The following SLC44A1 variants were observed in gnomAD, a reference collection of about 807,000 sequenced individuals.
SLC44A1 encodes the protein solute carrier family 44 member 1.
A neutral mutation model predicts 79.3 loss-of-function variants in SLC44A1; 26 were observed. The ratio of observed to expected loss-of-function variants is 0.33; its 90% CI spans 0.24 to 0.46. The LOEUF (loss-of-function observed/expected upper bound fraction) is 0.46, where lower values mean the gene tolerates loss of function less well. Ranked by LOEUF, SLC44A1 falls within the 20% of genes least tolerant of loss-of-function variation. The pLI, the probability that SLC44A1 is intolerant of heterozygous loss-of-function variation, is 1.00. For missense variants in SLC44A1, 688 were observed against 798.1 expected (o/e 0.86, Z 1.66); for synonymous variants, 263 against 286.2 (o/e 0.92, Z 0.82).
At chr9:105,376,314 TACACACACACACACACAC>T (rs33933201) in intron 13 of SLC44A1, among the ~76,000 whole-genome samples, 1 of 139,144 alleles carries the variant, frequency 7.2e-6, no homozygotes, top group South Asian at 2.3e-4. Flanking sequence ...TATATATGTA[TACACACACACACACACAC>T]ACACACACAC....
chr9:105,423,867 A>G (rs1829287142), intron 15 of SLC44A1, among the ~76,000 whole-genome samples: 1 of 152,238 alleles, frequency 6.6e-6, no homozygotes, highest in South Asian at 2.1e-4. Flanking sequence ...ATCTATCAAG[A>G]AAATCTGAAT....
chr9:105,350,831 C>T (rs1827382374), intron 5 of SLC44A1, among the ~76,000 whole-genome samples: 1 of 152,200 alleles, frequency 6.6e-6, no homozygotes, highest in Non-Finnish European at 1.5e-5. Flanking sequence ...GAACCTCTTC[C>T]TTTGGCCCAT....
chr9:105,264,382 G>A (rs894365789), intron 1 of SLC44A1, among the ~76,000 whole-genome samples: 4 of 152,128 alleles, frequency 2.6e-5, no homozygotes, highest in Admixed American at 6.5e-5. Context: ...TCCCAGGAGG[G>A]TCTCAAACTC....
chr9:105,335,774 TA>T, intron 4 of SLC44A1, 75 bp downstream of exon 4: 1 of 1,342,386 alleles, frequency 7.4e-7, no homozygotes, highest in Non-Finnish European at 1.0e-6. Flanking sequence ...GCCCTAGTGT[TA>T]AATAAATTAT....
intron 15 of SLC44A1, among the ~76,000 whole-genome samples, chr9:105,433,139 T>C (rs1412279252): frequency 1.3e-5 from 2 of 151,894 alleles, no homozygotes; most frequent in Non-Finnish European, 2.9e-5. Context: ...CTACTAAAAA[T>C]ACAAAAATTA....
intron 1 of SLC44A1, among the ~76,000 whole-genome samples, chr9:105,246,608 G>C (rs1048096271): frequency 6.6e-6 from 1 of 152,188 alleles, no homozygotes; most frequent in Non-Finnish European, 1.5e-5. Context: ...TGGGGGTCTA[G>C]TTGGGTGCTC....
At chr9:105,320,150 A>G (rs1826340660) in intron 3 of SLC44A1, among the ~76,000 whole-genome samples, 1 of 152,170 alleles carries the variant, frequency 6.6e-6, no homozygotes, top group Non-Finnish European at 1.5e-5. Context: ...ACATATAATA[A>G]TGCTACTGAG....
chr9:105,299,560 A>T (rs1008030538), intron 2 of SLC44A1, among the ~76,000 whole-genome samples: 14 of 152,220 alleles, frequency 9.2e-5, no homozygotes, highest in Admixed American at 9.2e-4. Context: ...GTTGATCTTG[A>T]TAGAGTGGTG....
At chr9:105,286,623 A>G (rs1280426263) in intron 1 of SLC44A1, among the ~76,000 whole-genome samples, 1 of 152,212 alleles carries the variant, frequency 6.6e-6, no homozygotes, top group African/African-American at 2.4e-5. Context: ...AGCTTTTCCT[A>G]TAATTTCGCC....
At chr9:105,255,136 CAT>C (rs1416778055) in intron 1 of SLC44A1, among the ~76,000 whole-genome samples, 4 of 143,888 alleles carry the variant, frequency 2.8e-5, no homozygotes, top group African/African-American at 1.1e-4. Context: ...ACTGAAAAGT[CAT>C]GTCATTATTT....
At position 105,390,430 on chromosome 9, in the gene SLC44A1, C is replaced by CAA. The variant is rs34048538; in HGVS notation, c.*1394_*1395dup. ...TATTGCACTAAATACAGGCTCTGTACAAAAAAAAAAAAAAAAAAAAAGCCT... is the reference window on the plus strand; with the variant it reads ...TATTGCACTAAATACAGGCTCTGTACAAAAAAAAAAAAAAAAAAAAAAAGCCT... On this transcript the variant is annotated 3_prime_UTR_variant, in exon 16 of 16. Coordinates refer to ENST00000374720, the MANE Select transcript of SLC44A1 (RefSeq NM_080546.5). 0.06 allele frequency: 47,876 copies of CAA among 794,588 alleles called. 178 individuals are homozygous for CAA. Among genetic ancestry groups the CAA allele is most frequent in the South Asian group, 0.076 (1,223 of 16,176 alleles). The allele number at this position is 794,588 out of a possible 1,614,324, so 49.2% of individuals were successfully genotyped here.
intron 15 of SLC44A1, among the ~76,000 whole-genome samples, chr9:105,428,525 C>G (rs1829351182): frequency 6.6e-6 from 1 of 152,166 alleles, no homozygotes; most frequent in South Asian, 2.1e-4. Flanking sequence ...TGGTCCTGGG[C>G]AAGTTACTTA....
intron 3 of SLC44A1, among the ~76,000 whole-genome samples, chr9:105,315,617 A>G (rs1048453351): frequency 2.0e-5 from 3 of 152,206 alleles, no homozygotes; most frequent in Non-Finnish European, 2.9e-5. Context: ...GGCCTATACT[A>G]TACCACATAA....
At chr9:105,319,923 G>C (rs1177839299) in intron 3 of SLC44A1, among the ~76,000 whole-genome samples, 1 of 152,160 alleles carries the variant, frequency 6.6e-6, no homozygotes, top group Non-Finnish European at 1.5e-5. Flanking sequence ...AGTGTAGTTT[G>C]AATTTGGTAA....
chr9:105,325,904 G>T (rs1826561864), intron 3 of SLC44A1, among the ~76,000 whole-genome samples: 1 of 152,100 alleles, frequency 6.6e-6, no homozygotes, highest in Non-Finnish European at 1.5e-5. Context: ...GAATTTTATG[G>T]TATGTTAATT....
At chr9:105,372,157 A>C (rs1828123150) in intron 12 of SLC44A1, among the ~76,000 whole-genome samples, 1 of 152,246 alleles carries the variant, frequency 6.6e-6, no homozygotes, top group South Asian at 2.1e-4. Flanking sequence ...GATTTCTTTA[A>C]GATGTTCTGT....
intron 15 of SLC44A1, among the ~76,000 whole-genome samples, chr9:105,387,060 A>AAAATATATATATAT (rs34780893): frequency 1.3e-4 from 1 of 7,714 alleles, no homozygotes; most frequent in Non-Finnish European, 2.4e-4. Flanking sequence ...AAAAAAAAAA[A>AAAATATATATATAT]ATATATATAT....
At chr9:105,385,526 C>G in intron 15 of SLC44A1, 24 bp downstream of exon 15, 1 of 1,558,340 alleles carries the variant, frequency 6.4e-7, no homozygotes, top group South Asian at 1.2e-5. Context: ...AGGAGGTGGC[C>G]GCCCTCCAAG....
intron 15 of SLC44A1, among the ~76,000 whole-genome samples, chr9:105,417,488 T>G (rs1374393672): frequency 6.6e-6 from 1 of 152,264 alleles, no homozygotes; most frequent in Middle Eastern, 3.4e-3. Context: ...TGGAATCTGA[T>G]GGACTTGAGT....
Sources: gnomAD v4.1 joint callset for allele counts (sites outside exome capture counted in the v4.1 genomes callset) on GRCh38, gnomAD v4.1.1 for gene constraint, MANE v1.5 for transcripts, NCBI Gene and HGNC (gene_info 2026-07-23, HGNC 2026-07-21) for gene names.